GUCY1B1: variants seen among roughly 807,000 people sequenced by gnomAD.
GUCY1B1 encodes guanylate cyclase soluble subunit beta-1.
A neutral mutation model predicts 71.0 loss-of-function variants in GUCY1B1; 43 were observed. The ratio of observed to expected loss-of-function variants is 0.61; its 90% CI spans 0.47 to 0.78. The LOEUF is 0.78. Ranked by LOEUF, GUCY1B1 falls within the 30% of genes least tolerant of loss-of-function variation. GUCY1B1 has a pLI of 0.00. For synonymous variants in GUCY1B1, 266 were observed against 259.7 expected, an observed-to-expected ratio of 1.02 and a Z score of -0.23; for missense variants, 535 against 754.1, an observed-to-expected ratio of 0.71 and a Z score of 3.40.
intron 2 of GUCY1B1, among the ~76,000 whole-genome samples, chr4:155,768,113 C>T (rs1737460949): frequency 1.3e-5 from 2 of 152,064 alleles, no homozygotes; most frequent in African/African-American, 2.4e-5. Flanking sequence ...AAGAGCAGAC[C>T]TTGTGTTGAG....
intron 8 of GUCY1B1, among the ~76,000 whole-genome samples, chr4:155,798,441 A>G (rs144387374): frequency 3.3e-5 from 5 of 152,240 alleles, no homozygotes; most frequent in African/African-American, 1.2e-4. Context: ...CCTTTGGCCG[A>G]TGATCTGGCT....
At chr4:155,805,051 C>A in intron 12 of GUCY1B1, 52 bp from the exon 13 acceptor site, 1 of 1,508,780 alleles carries the variant, frequency 6.6e-7, no homozygotes, top group South Asian at 1.2e-5. Context: ...GTCACCTTCT[C>A]TATAAAACTT....
intron 5 of GUCY1B1, among the ~76,000 whole-genome samples, chr4:155,792,853 A>C (rs544278992): frequency 1.3e-5 from 2 of 152,308 alleles, no homozygotes; most frequent in East Asian, 3.9e-4. Context: ...ATAATACTTT[A>C]GAAAAGTAGG....
At chr4:155,768,648 A>G (rs1737507377) in intron 2 of GUCY1B1, among the ~76,000 whole-genome samples, 1 of 152,106 alleles carries the variant, frequency 6.6e-6, no homozygotes, top group Admixed American at 6.5e-5. Flanking sequence ...AACTTACCAA[A>G]CACCACCACT....
intron 5 of GUCY1B1, among the ~76,000 whole-genome samples, chr4:155,792,454 G>A (rs1185897736): frequency 6.6e-6 from 1 of 152,152 alleles, no homozygotes; most frequent in Non-Finnish European, 1.5e-5. Flanking sequence ...CAACCTTAAT[G>A]TGGTAAAATT....
intron 4 of GUCY1B1, among the ~76,000 whole-genome samples, chr4:155,780,570 G>T (rs1738349083): frequency 6.6e-6 from 1 of 152,140 alleles, no homozygotes; most frequent in African/African-American, 2.4e-5. Context: ...CTTAATGTTT[G>T]TACCTTCACA....
At chr4:155,767,840 C>CT (rs900810449) in intron 2 of GUCY1B1, among the ~76,000 whole-genome samples, 2 of 152,018 alleles carry the variant, frequency 1.3e-5, no homozygotes, top group Non-Finnish European at 2.9e-5. Context: ...TAAAGTTTTA[C>CT]TTTTTTAGAT....
intron 4 of GUCY1B1, among the ~76,000 whole-genome samples, chr4:155,780,139 A>AT (rs1738311367): frequency 6.6e-6 from 1 of 152,216 alleles, no homozygotes; most frequent in East Asian, 1.9e-4. Context: ...CTCTGGAGTA[A>AT]TTTTTTATTG....
At chr4:155,778,396 A>T (rs777266868) in intron 4 of GUCY1B1, among the ~76,000 whole-genome samples, 16 of 152,228 alleles carry the variant, frequency 1.1e-4, no homozygotes, top group Non-Finnish European at 1.8e-4. Flanking sequence ...TGAAAATTAT[A>T]TAGTTGTTTG....
At chr4:155,760,768 T>C (rs77169028) in intron 2 of GUCY1B1, among the ~76,000 whole-genome samples, 4,856 of 152,300 alleles carry the variant, frequency 0.032, 148 homozygotes, top group African/African-American at 0.08. Flanking sequence ...GACTATCACA[T>C]TGTAACAAAG....
intron 2 of GUCY1B1, chr4:155,772,505 C>A: frequency 4.1e-6 from 2 of 487,560 alleles, no homozygotes; most frequent in Admixed American, 6.5e-5. Flanking sequence ...GCCTCAACTC[C>A]CGAGGCTCAA....
chr4:155,759,675 C>A, intron 1 of GUCY1B1, 112 bp from the exon 2 acceptor site: 1 of 698,306 alleles, frequency 1.4e-6, no homozygotes, highest in Admixed American at 2.4e-5. Flanking sequence ...GAGTCAGGGG[C>A]GGGGTGAAAG....
intron 4 of GUCY1B1, among the ~76,000 whole-genome samples, chr4:155,784,247 C>G (rs915755499): frequency 6.6e-6 from 1 of 152,050 alleles, no homozygotes; most frequent in Non-Finnish European, 1.5e-5. Flanking sequence ...AAAAGAATCT[C>G]TATATCTTTT....
chr4:155,759,106 T>C lies in GUCY1B1; in HGVS notation c.-35T>C. The C allele has an allele frequency of 6.3e-7, 1 of 1,588,462 alleles. No individual in the cohort carries two copies. The highest frequency in any genetic ancestry group is 8.6e-7 in the Non-Finnish European group (1 of 1,168,236). On this transcript the variant is annotated 5_prime_UTR_variant, in exon 1 of 14. Transcript: ENST00000264424. ...GGGTCCCTTCGGCCGTACCTCTGCGTGGGGGCTGCCTCCCCGGCTCCCGGT... is the reference window on the plus strand; with the variant it reads ...GGGTCCCTTCGGCCGTACCTCTGCGCGGGGGCTGCCTCCCCGGCTCCCGGT...
intron 2 of GUCY1B1, among the ~76,000 whole-genome samples, chr4:155,769,395 C>T (rs1561003469): frequency 1.3e-5 from 2 of 152,116 alleles, no homozygotes; most frequent in Non-Finnish European, 2.9e-5. Context: ...ACTTGAACCT[C>T]TCTAAATATT....
At chr4:155,773,406 C>T (rs1186116070) in intron 2 of GUCY1B1, among the ~76,000 whole-genome samples, 3 of 152,170 alleles carry the variant, frequency 2.0e-5, no homozygotes, top group Non-Finnish European at 2.9e-5. Context: ...TTTATATAAT[C>T]ATGACAACTT....
intron 13 of GUCY1B1, 49 bp downstream of exon 13, chr4:155,805,278 A>G (rs749184042): frequency 6.5e-5 from 96 of 1,470,364 alleles, no homozygotes; most frequent in Non-Finnish European, 8.1e-5. Context: ...GAGTATAAGT[A>G]TGGAAAACTA....
intron 2 of GUCY1B1, among the ~76,000 whole-genome samples, chr4:155,771,588 CAG>C (rs1441702515): frequency 1.3e-5 from 2 of 152,124 alleles, no homozygotes; most frequent in South Asian, 4.1e-4. Flanking sequence ...AATATTCTGT[CAG>C]AGTCTCCAAA....
intron 8 of GUCY1B1, among the ~76,000 whole-genome samples, chr4:155,796,881 T>C (rs1227898175): frequency 6.6e-6 from 1 of 152,192 alleles, no homozygotes. Context: ...TACATTGGTA[T>C]ATTTGACATC....
Sources: gnomAD v4.1 joint callset for allele counts (sites outside exome capture counted in the v4.1 genomes callset) on GRCh38, gnomAD v4.1.1 for gene constraint, MANE v1.5 for transcripts, NCBI Gene and HGNC (gene_info 2026-07-23, HGNC 2026-07-21) for gene names.